The following GSN variants were observed in gnomAD, a reference collection of about 807,000 sequenced individuals.
GSN encodes the protein gelsolin, also known as actin-depolymerizing factor.
GSN carries 56 observed loss-of-function variants against 85.7 expected under a neutral mutation model. The observed-to-expected ratio is 0.65, with a 90% confidence interval of 0.53 to 0.82. GSN has a LOEUF of 0.82. Among genes scored for constraint, GSN ranks in the 40% least tolerant of loss-of-function variants. The pLI is 0.00. For synonymous variants in GSN, 373 were observed against 399.1 expected (o/e 0.93, Z 0.78); for missense variants, 857 against 979.8 (o/e 0.87, Z 1.67).
At chr9:121,289,759 G>A (rs1313267304) in intron 2 of GSN, among the ~76,000 whole-genome samples, 3 of 152,198 alleles carry the variant, frequency 2.0e-5, no homozygotes, top group Non-Finnish European at 4.4e-5. Context: ...AGGCAGGTGA[G>A]GTTGTATAGA....
intron 4 of GSN, chr9:121,310,221 C>G (rs1227183569): frequency 3.8e-6 from 1 of 264,378 alleles, no homozygotes; most frequent in Non-Finnish European, 7.4e-6. Flanking sequence ...GTATAACAGT[C>G]AGGGAGGGTG....
chr9:121,223,354 G>A (rs929769352), intron 4 of GSN, among the ~76,000 whole-genome samples: 1 of 152,096 alleles, frequency 6.6e-6, no homozygotes, highest in Admixed American at 6.5e-5. Flanking sequence ...ACTACCTACT[G>A]TAACATTACT....
chr9:121,286,857 A>G, intron 2 of GSN: 1 of 1,005,752 alleles, frequency 9.9e-7, no homozygotes, highest in Non-Finnish European at 1.5e-6. Flanking sequence ...CTTGGGCTGA[A>G]CCTCTCTGAG....
intron 2 of GSN, chr9:121,300,242 CT>C (rs1290577779): frequency 1.4e-6 from 1 of 734,796 alleles, no homozygotes; most frequent in Admixed American, 1.8e-5. Flanking sequence ...TTCTTTTCCC[CT>C]GTCCTCCTCT....
chr9:121,302,821 C>A, intron 3 of GSN, 90 bp from the exon 4 acceptor site: 3 of 1,260,716 alleles, frequency 2.4e-6, no homozygotes, highest in Non-Finnish European at 3.5e-6. Context: ...TAGGTCAGGG[C>A]AGTGCTGGGG....
At chr9:121,239,037 C>A in intron 5 of GSN, 1 of 450,734 alleles carries the variant, frequency 2.2e-6, no homozygotes. Context: ...CCAGTCAGTT[C>A]AGAGATGGGT....
At chr9:121,230,625 C>T (rs1185822812) in intron 4 of GSN, among the ~76,000 whole-genome samples, 1 of 152,126 alleles carries the variant, frequency 6.6e-6, no homozygotes, top group Admixed American at 6.5e-5. Context: ...AGTTACTTCA[C>T]CTTGTTGAAT....
At chr9:121,221,489 G>A (rs146404205) in intron 4 of GSN, among the ~76,000 whole-genome samples, 289 of 152,222 alleles carry the variant, frequency 1.9e-3, no homozygotes, top group African/African-American at 6.8e-3. Flanking sequence ...CTGTTCTAGC[G>A]TGCCATGTTT....
intron 6 of GSN, 89 bp downstream of exon 6, chr9:121,312,577 G>A (rs2061288607): frequency 2.1e-6 from 2 of 964,558 alleles, no homozygotes; most frequent in South Asian, 1.9e-5. Context: ...GTGAATTTGA[G>A]GAAAAAAAAA....
At chr9:121,327,202 A>G (rs1430977493) in intron 13 of GSN, 106 bp from the exon 14 acceptor site, 1 of 945,730 alleles carries the variant, frequency 1.1e-6, no homozygotes, top group Non-Finnish European at 1.8e-6. Context: ...GTGTTCCTCC[A>G]AGTCCCCACC....
intron 17 of GSN, chr9:121,331,912 C>T (rs1286411666): frequency 1.6e-5 from 3 of 191,866 alleles, no homozygotes; most frequent in Admixed American, 5.3e-5. Context: ...AAAAATTAGC[C>T]AGGCGTGTTG....
At position 121,299,398 on chromosome 9, in the gene GSN, C is replaced by A; in HGVS notation, c.-9-2565C>A. 1.0e-6 allele frequency: 1 copy of A among 973,208 alleles called. No homozygotes were observed. The highest frequency in any genetic ancestry group is 1.2e-6 in the Non-Finnish European group (1 of 818,720). The allele number at this position is 973,208 out of a possible 1,614,324, so 60.3% of individuals were successfully genotyped here. On this transcript the variant is annotated intron_variant, in intron 2 of 17. Coordinates refer to ENST00000432226, the MANE Select transcript of GSN (RefSeq NM_198252.3). This position sits in a 1 kb window ranked among gnomAD's most constrained non-coding sequence, Gnocchi z 4.2. ...GCTGTGTGCAAGTTGCTTCACCACT[C>A]TGCGCTGTTCCCCCCTCTGTAAAAT...
chr9:121,217,927 A>G, intron 4 of GSN, among the ~76,000 whole-genome samples: 1 of 151,786 alleles, frequency 6.6e-6, no homozygotes, highest in East Asian at 1.9e-4. Context: ...TTTTGCGTAT[A>G]TAAGGGTACA....
chr9:121,267,461 A>G (rs1163013817), upstream of GSN, among the ~76,000 whole-genome samples: 1 of 152,120 alleles, frequency 6.6e-6, no homozygotes, highest in Non-Finnish European at 1.5e-5. Context: ...AGTCTTCTCA[A>G]CCGCCCCATG....
chr9:121,266,847 A>G (rs972030031), upstream of GSN, among the ~76,000 whole-genome samples: 9 of 152,190 alleles, frequency 5.9e-5, no homozygotes, highest in Non-Finnish European at 1.0e-4. Context: ...GTGTTGAACA[A>G]AGAGAGAATG....
At chr9:121,253,050 A>C (rs1421754368) in intron 6 of GSN, among the ~76,000 whole-genome samples, 1 of 152,208 alleles carries the variant, frequency 6.6e-6, no homozygotes. Flanking sequence ...GTTGCAGACT[A>C]CCAGCTTCCA....
In GSN at chr9:121,309,298, G is replaced by A. The variant is rs527745912; in HGVS notation, c.352-1386G>A. 2.0e-5 allele frequency: 3 copies of A among 152,418 alleles called. No individual in the cohort carries two copies. In the South Asian group the frequency reaches 6.2e-4, roughly 32 times the overall value. 9.4% of individuals were successfully genotyped at this position (152,418 alleles called of 1,614,324 possible). The stretch of plus-strand genomic sequence containing the variant: ...TTCCTTGGCTTGCTTCTGAGTGAGG[G>A]CAGTTGTGACTGCAGCAGGGAAGCT... On this transcript the variant is annotated intron_variant, in intron 4 of 17. Transcript: ENST00000432226.
intron 2 of GSN, among the ~76,000 whole-genome samples, chr9:121,294,523 C>T (rs540744652): frequency 6.6e-6 from 1 of 152,290 alleles, no homozygotes; most frequent in South Asian, 2.1e-4. Flanking sequence ...CCCTGGGTCC[C>T]AGCACTAGGT....
chr9:121,291,639 C>T (rs938648414), intron 2 of GSN, among the ~76,000 whole-genome samples: 18 of 151,940 alleles, frequency 1.2e-4, no homozygotes, highest in Non-Finnish European at 7.4e-5. Context: ...AGGCTGGTCT[C>T]GAACTCCTGG....
Sources: allele counts gnomAD v4.1 joint callset (sites outside exome capture counted in the v4.1 genomes callset), GRCh38; gene constraint gnomAD v4.1.1; non-coding constraint Gnocchi (gnomAD v3.1); transcripts MANE v1.5; gene names NCBI Gene and HGNC (gene_info 2026-07-23, HGNC 2026-07-21).